The following BMX variants were observed in gnomAD, a reference collection of about 807,000 sequenced individuals.
BMX encodes BMX non-receptor tyrosine kinase, also known as cytoplasmic tyrosine-protein kinase BMX.
In BMX, 31 loss-of-function variants were observed where a neutral mutation model predicts 59.2. The observed-to-expected ratio is 0.52, with a 90% confidence interval of 0.39 to 0.71. The LOEUF (loss-of-function observed/expected upper bound fraction) is 0.71, where lower values mean the gene tolerates loss of function less well. Among genes scored for constraint, BMX ranks in the 30% least tolerant of loss-of-function variants. BMX has a pLI of 0.00. For missense variants in BMX, 474 were observed against 491.7 expected (o/e 0.96, Z 0.34); for synonymous variants, 185 against 181.0 (o/e 1.02, Z -0.18).
chrX:15,511,310 T>C, intron 3 of BMX, 127 bp from the exon 4 acceptor site: 1 of 449,197 alleles, frequency 2.2e-6, no homozygotes, highest in East Asian at 4.2e-5. Flanking sequence ...TTTCATCTAA[T>C]TCCAGAGCTG....
At chrX:15,525,566 G>A (rs1924675236) in intron 8 of BMX, among the ~76,000 whole-genome samples, 1 of 111,821 alleles carries the variant, frequency 8.9e-6, no homozygotes, top group Admixed American at 9.5e-5. Flanking sequence ...TTCCTAGCCA[G>A]CATCCATGAC....
rs954203612 is a variant in BMX, at chrX:15,513,439, A to G, written c.325+1921A>G. Reference sequence around the variant, plus strand: ...TGGAAGATAGTGAGAAAGAAGGTGCATGGGATTTGCTGTCAAGTTGGCCAA... The same window carrying G: ...TGGAAGATAGTGAGAAAGAAGGTGCGTGGGATTTGCTGTCAAGTTGGCCAA... On this transcript the variant is annotated intron_variant, in intron 4 of 18. Transcript: ENST00000348343. Among the ~76,000 whole-genome samples, 4 of 111,960 alleles carry G rather than the reference A, an allele frequency of 3.6e-5. No individual in the cohort carries two copies. The Admixed American group carries it at 3.8e-4, about 11-fold the overall frequency.
At chrX:15,516,031 G>A (rs1924139662) in intron 4 of BMX, 81 bp from the exon 5 acceptor site, 4 of 1,155,165 alleles carry the variant, frequency 3.5e-6, no homozygotes, top group Middle Eastern at 2.4e-4. Context: ...TTATTGTTCT[G>A]TGATAACAGC....
Position 15,552,793 on chromosome X carries a change from A to T in BMX, c.1953+2796A>T, listed in dbSNP as rs772963717. 4.6e-4 allele frequency among the ~76,000 whole-genome samples: 52 copies of T among 112,412 alleles called. No homozygotes were observed. In the Middle Eastern group the frequency reaches 0.018, roughly 40 times the overall value. ...GAGTTTGGTCAAAAGTTAGATTAAA[A>T]TTTGAAATAGCGGCAAAATAAGATT... is the stretch of plus-strand genomic sequence containing the variant. On this transcript the variant is annotated intron_variant, in intron 18 of 18. Transcript: ENST00000348343.
chrX:15,545,213 C>CAG (rs1287446526), intron 16 of BMX, among the ~76,000 whole-genome samples: 2 of 111,897 alleles, frequency 1.8e-5, no homozygotes, highest in Non-Finnish European at 3.8e-5. Context: ...GGGCATAAGG[C>CAG]AGAGAGAGAG....
At chrX:15,550,160 C>T (rs917985548) in intron 18 of BMX, among the ~76,000 whole-genome samples, 163 bp downstream of exon 18, 1 of 111,595 alleles carries the variant, frequency 9.0e-6, no homozygotes, top group East Asian at 2.8e-4. Flanking sequence ...CTAAAACATG[C>T]GGGTGCCAAA....
intron 12 of BMX, 69 bp from the exon 13 acceptor site, chrX:15,536,284 A>G (rs1925337672): frequency 9.3e-7 from 1 of 1,077,655 alleles, no homozygotes; most frequent in African/African-American, 1.8e-5. Flanking sequence ...ACTAGTTGTG[A>G]ACCAATGTTA....
intron 6 of BMX, among the ~76,000 whole-genome samples, chrX:15,520,477 A>G (rs760057135): frequency 8.9e-6 from 1 of 111,877 alleles, no homozygotes. Flanking sequence ...TAAATTTACA[A>G]AAGTCACTGA....
Position 15,536,749 on chromosome X carries a change from G to A in BMX, c.1222+322G>A, listed in dbSNP as rs780822107. Among the ~76,000 whole-genome samples the A allele has an allele frequency of 1.6e-3, 174 of 110,801 alleles. 1 individual carries two copies. Among genetic ancestry groups the A allele is most frequent in the African/African-American group, 5.5e-3 (168 of 30,475 alleles). ...GAGCAGAGCCAGTATTCAACCTTGT[G>A]TGTTAGGACGATCACATCCACTGCG... On this transcript the variant is annotated intron_variant, in intron 13 of 18. Transcript: ENST00000348343.
chrX:15,508,920 T>C (rs554945971), intron 2 of BMX, among the ~76,000 whole-genome samples: 2 of 112,026 alleles, frequency 1.8e-5, no homozygotes, highest in East Asian at 5.6e-4. Flanking sequence ...TAAATGGCAA[T>C]AGTGCCTTAA....
At position 15,552,460 on chromosome X, in the gene BMX, G is replaced by A. The variant is rs1382701102; in HGVS notation, c.1953+2463G>A. On this transcript the variant is annotated intron_variant, in intron 18 of 18. Coordinates refer to ENST00000348343, the MANE Select transcript of BMX (RefSeq NM_203281.3). ...CCTCTGGTTATCTGAAGATTGTCCT[G>A]AGAGGAAGACATAAGTGTTGTGATT... 2.7e-5 allele frequency among the ~76,000 whole-genome samples: 3 copies of A among 112,317 alleles called. No homozygotes were observed. The Admixed American group carries it at 2.8e-4, about 11-fold the overall frequency.
At chrX:15,515,967 T>A (rs1163775087) in intron 4 of BMX, 145 bp from the exon 5 acceptor site, 2 of 754,126 alleles carry the variant, frequency 2.7e-6, no homozygotes, top group African/African-American at 4.2e-5. Flanking sequence ...GTGAAAGACC[T>A]ATATCCTTCC....
intron 9 of BMX, among the ~76,000 whole-genome samples, chrX:15,527,238 A>G (rs1924799099): frequency 2.7e-5 from 1 of 36,612 alleles, no homozygotes; most frequent in Admixed American, 4.0e-4. Context: ...ACACACACAC[A>G]CACACACAAA....
intron 18 of BMX, among the ~76,000 whole-genome samples, chrX:15,550,649 C>T (rs1378870632): frequency 2.1e-5 from 2 of 96,403 alleles, no homozygotes; most frequent in Non-Finnish European, 4.1e-5. Flanking sequence ...TGTGCCCTCA[C>T]TGAACTCAAA....
intron 14 of BMX, among the ~76,000 whole-genome samples, chrX:15,540,780 T>A (rs1305430851): frequency 3.6e-5 from 4 of 111,463 alleles, no homozygotes; most frequent in Non-Finnish European, 7.5e-5. Flanking sequence ...AATGGATCAC[T>A]CAGAGTCAGC....
chrX:15,533,241 A>G (rs971708771), intron 11 of BMX, among the ~76,000 whole-genome samples: 27 of 111,894 alleles, frequency 2.4e-4, no homozygotes, highest in Non-Finnish European at 4.5e-4. Flanking sequence ...GGTTTGTTAT[A>G]TAGGTAAACT....
chrX:15,540,724 C>T (rs745366808), intron 14 of BMX, among the ~76,000 whole-genome samples: 1 of 111,485 alleles, frequency 9.0e-6, no homozygotes, highest in South Asian at 3.7e-4. Context: ...AAGGCTAATA[C>T]CTCCAAACTC....
rs183707381 is a variant in BMX, at chrX:15,525,386, T to G, written c.830+21T>G. On this transcript the variant is annotated intron_variant, in intron 8 of 18. Coordinates refer to ENST00000348343, the MANE Select transcript of BMX (RefSeq NM_203281.3). ...TCATGGTAAATCAAATTCAGATATC[T>G]CCTACATCCAGAATATGCTTCCATT... The G allele has an allele frequency of 8.6e-6, 10 of 1,166,111 alleles. No homozygotes were observed. The African/African-American group carries it at 1.4e-4, about 17-fold the overall frequency.
chrX:15,521,086 G>C (rs1457853903), intron 6 of BMX, among the ~76,000 whole-genome samples: 1 of 111,421 alleles, frequency 9.0e-6, no homozygotes, highest in Non-Finnish European at 1.9e-5. Context: ...ACATAGAAAA[G>C]CACACAAATC....
Sources: allele counts gnomAD v4.1 joint callset (sites outside exome capture counted in the v4.1 genomes callset), GRCh38; gene constraint gnomAD v4.1.1; transcripts MANE v1.5; gene names NCBI Gene and HGNC (gene_info 2026-07-23, HGNC 2026-07-21).